The following EHBP1 variants were observed in gnomAD, a reference collection of about 807,000 sequenced individuals.
EHBP1 encodes EH domain binding protein 1, also known as EH domain-binding protein 1.
A neutral mutation model predicts 144.0 loss-of-function variants in EHBP1; 55 were observed. That is an observed-to-expected ratio of 0.38 (90% confidence interval 0.31 to 0.48). The LOEUF (loss-of-function observed/expected upper bound fraction) is 0.48, where lower values mean the gene tolerates loss of function less well. Among genes scored for constraint, EHBP1 ranks in the 20% least tolerant of loss-of-function variants. The pLI, the probability that EHBP1 is intolerant of heterozygous loss-of-function variation, is 0.98. For synonymous variants in EHBP1, 469 were observed against 472.7 expected (o/e 0.99, Z 0.10); for missense variants, 1,200 against 1,364.2 (o/e 0.88, Z 1.90).
intron 14 of EHBP1, among the ~76,000 whole-genome samples, chr2:62,972,433 C>A (rs560344861): frequency 6.6e-6 from 1 of 152,172 alleles, no homozygotes; most frequent in African/African-American, 2.4e-5. Flanking sequence ...GCAAAAAAGT[C>A]TTTTAATGGA....
chr2:62,903,897 G>C (rs890849903), intron 10 of EHBP1, among the ~76,000 whole-genome samples: 9 of 152,094 alleles, frequency 5.9e-5, no homozygotes, highest in Admixed American at 6.5e-5. Flanking sequence ...TTTTTAAATA[G>C]GTCCTCACCT....
chr2:62,879,856 CTA>C (rs1242044960), intron 10 of EHBP1, among the ~76,000 whole-genome samples: 2 of 151,592 alleles, frequency 1.3e-5, no homozygotes, highest in Non-Finnish European at 2.9e-5. Context: ...AAAAAAAAAA[CTA>C]TTCCAAAATT....
intron 5 of EHBP1, among the ~76,000 whole-genome samples, chr2:62,822,623 C>T (rs540474276): frequency 1.2e-4 from 18 of 152,238 alleles, no homozygotes; most frequent in African/African-American, 4.1e-4. Flanking sequence ...TTCAACTTTA[C>T]GAGGTAATGT....
At chr2:63,032,841 G>A (rs1383356410) in intron 19 of EHBP1, among the ~76,000 whole-genome samples, 1 of 152,138 alleles carries the variant, frequency 6.6e-6, no homozygotes, top group Non-Finnish European at 1.5e-5. Context: ...ATATGTGTGA[G>A]AGAATATGGC....
At chr2:63,025,511 C>A (rs1396420844) in intron 19 of EHBP1, among the ~76,000 whole-genome samples, 1 of 152,218 alleles carries the variant, frequency 6.6e-6, no homozygotes, top group African/African-American at 2.4e-5. Context: ...GATCCTGTCA[C>A]TTCGGCCATC....
intron 19 of EHBP1, 88 bp from the exon 20 acceptor site, chr2:63,037,446 GT>G (rs2061486018): frequency 1.2e-6 from 1 of 822,214 alleles, no homozygotes; most frequent in African/African-American, 1.8e-5. Flanking sequence ...TAAGTAAAAT[GT>G]TTTCTATGTT....
At chr2:62,700,240 AG>A (rs1290843906) in intron 1 of EHBP1, among the ~76,000 whole-genome samples, 4 of 152,202 alleles carry the variant, frequency 2.6e-5, no homozygotes, top group African/African-American at 9.7e-5. Flanking sequence ...TTATTATTTA[AG>A]GTTATATAAC....
chr2:62,936,190 T>C (rs1378125711), intron 10 of EHBP1, among the ~76,000 whole-genome samples: 3 of 152,164 alleles, frequency 2.0e-5, no homozygotes, highest in African/African-American at 7.2e-5. Context: ...TTTTTTTCCT[T>C]GAATAAATGT....
intron 19 of EHBP1, among the ~76,000 whole-genome samples, chr2:63,024,252 G>A (rs1211836808): frequency 4.6e-5 from 7 of 152,322 alleles, no homozygotes; most frequent in South Asian, 4.1e-4. Flanking sequence ...GCTGAGGCAC[G>A]AGAATCACTT....
intron 13 of EHBP1, among the ~76,000 whole-genome samples, chr2:62,951,534 T>TGGG (rs70962799): frequency 4.2e-4 from 39 of 92,334 alleles, no homozygotes; most frequent in East Asian, 8.8e-4. Flanking sequence ...TTTTTTTTTT[T>TGGG]GGGGGGGGGG....
At chr2:62,928,304 G>A (rs957865317) in intron 10 of EHBP1, among the ~76,000 whole-genome samples, 1 of 152,134 alleles carries the variant, frequency 6.6e-6, no homozygotes, top group Non-Finnish European at 1.5e-5. Flanking sequence ...TTTTCCTAGG[G>A]AGGCGTTGTC....
intron 1 of EHBP1, among the ~76,000 whole-genome samples, chr2:62,690,949 G>A (rs2033885355): frequency 6.6e-6 from 1 of 152,192 alleles, no homozygotes; most frequent in African/African-American, 2.4e-5. Flanking sequence ...AAATGCATTT[G>A]TACAGTTCTA....
In EHBP1 at chr2:62,900,635, A is replaced by G. The variant is rs2053323236; in HGVS notation, c.1185+26103A>G. Among the ~76,000 whole-genome samples the G allele has an allele frequency of 4.7e-5, 7 of 149,060 alleles. No homozygotes were observed. In the South Asian group the frequency reaches 1.3e-3, roughly 27 times the overall value. ...GACCCTGTCTTTAAAAAAAAAAGAA[A>G]AAGGTTGGGAGGAAGTGTTTTTTGT... On this transcript the variant is annotated intron_variant, in intron 10 of 22. Coordinates refer to ENST00000431489, the MANE Select transcript of EHBP1 (RefSeq NM_001142616.3).
At chr2:62,825,504 A>G (rs920203487) in intron 5 of EHBP1, among the ~76,000 whole-genome samples, 1 of 151,794 alleles carries the variant, frequency 6.6e-6, no homozygotes, top group African/African-American at 2.4e-5. Flanking sequence ...TTTATGATAT[A>G]TGTGCTTTTA....
chr2:62,952,825 C>A (rs1455768809), intron 13 of EHBP1, among the ~76,000 whole-genome samples: 1 of 152,178 alleles, frequency 6.6e-6, no homozygotes, highest in Non-Finnish European at 1.5e-5. Context: ...ATGTGGTCAA[C>A]ATTACTGAAG....
At chr2:62,952,782 A>C (rs1346512980) in intron 13 of EHBP1, among the ~76,000 whole-genome samples, 2 of 152,210 alleles carry the variant, frequency 1.3e-5, no homozygotes, top group Non-Finnish European at 2.9e-5. Context: ...ATTTACCATA[A>C]TAGCATTAAA....
chr2:62,734,695 T>G (rs1573028168), intron 2 of EHBP1, among the ~76,000 whole-genome samples: 1 of 152,176 alleles, frequency 6.6e-6, no homozygotes, highest in Non-Finnish European at 1.5e-5. Flanking sequence ...CTGTTCTCTA[T>G]TTGTTGCCTT....
chr2:62,907,700 G>A (rs1046490801), intron 10 of EHBP1, among the ~76,000 whole-genome samples: 4 of 152,286 alleles, frequency 2.6e-5, no homozygotes, highest in Admixed American at 2.0e-4. Context: ...ATCTCATTAA[G>A]GGTTAGGGTT....
At chr2:62,910,316 T>C (rs1428801535) in intron 10 of EHBP1, among the ~76,000 whole-genome samples, 1 of 152,180 alleles carries the variant, frequency 6.6e-6, no homozygotes, top group East Asian at 1.9e-4. Context: ...TTAATCCCAC[T>C]GAGTTTGACT....
Sources: allele counts gnomAD v4.1 joint callset (sites outside exome capture counted in the v4.1 genomes callset), GRCh38; gene constraint gnomAD v4.1.1; transcripts MANE v1.5; gene names NCBI Gene and HGNC (gene_info 2026-07-23, HGNC 2026-07-21).